The following DCDC2 variants were observed in gnomAD, a reference collection of about 807,000 sequenced individuals.
DCDC2 encodes doublecortin domain containing 2.
DCDC2 carries 40 observed loss-of-function variants against 50.2 expected under a neutral mutation model. The observed-to-expected ratio is 0.80, with a 90% CI of 0.62 to 1.04. The LOEUF (loss-of-function observed/expected upper bound fraction) is 1.04. Among genes scored for constraint, DCDC2 ranks in the 50% least tolerant of loss-of-function variants. The pLI is 0.00. For synonymous variants in DCDC2, 234 were observed against 210.6 expected (o/e 1.11, Z -0.96); for missense variants, 570 against 581.9 (o/e 0.98, Z 0.21).
the DCDC2 span, among the ~76,000 whole-genome samples, chr6:24,376,943 T>C: frequency 1.1e-4 from 17 of 152,080 alleles, no homozygotes; most frequent in Non-Finnish European, 2.2e-4. Flanking sequence ...TTCTGAGGGA[T>C]CTGAATAATG....
chr6:24,335,844 G>C (rs1436849899), intron 2 of DCDC2, among the ~76,000 whole-genome samples: 2 of 152,008 alleles, frequency 1.3e-5, no homozygotes, highest in Non-Finnish European at 2.9e-5. Context: ...CAGCATGGGG[G>C]AAACTGCCCC....
the DCDC2 span, among the ~76,000 whole-genome samples, chr6:24,366,644 G>A: frequency 2.0e-5 from 3 of 152,198 alleles, no homozygotes; most frequent in Admixed American, 6.5e-5. Flanking sequence ...CTTGAGGAGC[G>A]TTGAACAGCT....
intron 8 of DCDC2, among the ~76,000 whole-genome samples, chr6:24,201,653 C>G (rs1186847964): frequency 6.6e-6 from 1 of 151,910 alleles, no homozygotes; most frequent in African/African-American, 2.4e-5. Context: ...AACTAAGATC[C>G]AAGCAGAACT....
chr6:24,362,037 G>GT (rs1760673595), upstream of DCDC2, among the ~76,000 whole-genome samples: 1 of 152,162 alleles, frequency 6.6e-6, no homozygotes, highest in Non-Finnish European at 1.5e-5. Context: ...CTGAAGCCAT[G>GT]AAATGTGCAG....
At chr6:24,359,607 AAG>A (rs565885434), upstream of DCDC2, among the ~76,000 whole-genome samples, 5 of 132,464 alleles carry the variant, frequency 3.8e-5, no homozygotes, top group Admixed American at 8.7e-5. Context: ...CAGAGAGAGA[AAG>A]AGAGAATCCG....
At position 24,357,951 on chromosome 6, in the gene DCDC2, A is replaced by T. The variant is rs994194572; in HGVS notation, c.-201T>A. The stretch of plus-strand genomic sequence containing the variant: ...GACACTAGGAGCTTGCAGGACTCGG[A>T]GTAGACGCTCAAGTTTTTCACCGTG... On this transcript the variant is annotated 5_prime_UTR_variant, in exon 1 of 10. Coordinates refer to ENST00000378454, the MANE Select transcript of DCDC2 (RefSeq NM_016356.5). The T allele has an allele frequency of 6.7e-7, 1 of 1,500,234 alleles. No homozygotes were observed. The highest frequency in any genetic ancestry group is 8.9e-7 in the Non-Finnish European group (1 of 1,124,928). The allele number at this position is 1,500,234 out of a possible 1,614,324, so 92.9% of individuals were successfully genotyped here. A position where few individuals can be genotyped will look rare whatever the true frequency, so the allele number is the denominator to read the frequency against.
chr6:24,242,406 G>C (rs1157168773), intron 7 of DCDC2, among the ~76,000 whole-genome samples: 1 of 152,056 alleles, frequency 6.6e-6, no homozygotes, highest in Non-Finnish European at 1.5e-5. Flanking sequence ...CTAGGTGCAT[G>C]TAGGTTCCCT....
At chr6:24,291,765 A>G (rs62400414) in intron 4 of DCDC2, among the ~76,000 whole-genome samples, 26,399 of 151,712 alleles carry the variant, frequency 0.17, 2,257 homozygotes, top group African/African-American at 0.18. Flanking sequence ...GATTACAGGC[A>G]TGAGCCACCG....
At position 24,323,003 on chromosome 6, in the gene DCDC2, G is replaced by A. The variant is rs192110646; in HGVS notation, c.349-20959C>T. 3.9e-5 allele frequency among the ~76,000 whole-genome samples: 6 copies of A among 152,220 alleles called. No homozygotes were observed. The East Asian group carries it at 1.2e-3, about 29-fold the overall frequency. ...CTCCAAAAATGAATCATTTCAACCC[G>A]ATCACAAGAAAACACCAGATATGTC... is the stretch of plus-strand genomic sequence containing the variant. On this transcript the variant is annotated intron_variant, in intron 2 of 9. Transcript: ENST00000378454.
rs146133625 is a variant in DCDC2 at position 24,225,710 on chromosome 6, A to T, written c.923-20608T>A. On this transcript the variant is annotated intron_variant, in intron 7 of 9. Coordinates refer to ENST00000378454, the MANE Select transcript of DCDC2 (RefSeq NM_016356.5). ...CAACTCTTAGAAAGTTTTCACACAC[A>T]CACAGACACACACAAATATAATGTC... is the stretch of plus-strand genomic sequence containing the variant. Among the ~76,000 whole-genome samples, 382 of 152,306 alleles carry T rather than the reference A, an allele frequency of 2.5e-3. 1 individual carries two copies. The highest frequency in any genetic ancestry group is 8.8e-3 in the African/African-American group (367 of 41,558).
rs1045791299 is a variant in DCDC2 at position 24,357,944 on chromosome 6, G to A, written c.-194C>T. ...CAGAGGAGACACTAGGAGCTTGCAG[G>A]ACTCGGAGTAGACGCTCAAGTTTTT... is the stretch of plus-strand genomic sequence containing the variant. On this transcript the variant is annotated 5_prime_UTR_variant, in exon 1 of 10. Transcript: ENST00000378454. The A allele has an allele frequency of 6.6e-7, 1 of 1,507,192 alleles. No individual in the cohort carries two copies. 93.4% of individuals were successfully genotyped at this position (1,507,192 alleles called of 1,614,324 possible).
chr6:24,353,092 TA>T (rs1331225394), intron 2 of DCDC2: 2 of 299,484 alleles, frequency 6.7e-6, no homozygotes, highest in Non-Finnish European at 1.3e-5. Context: ...CGATAGAAGC[TA>T]AAACACAGGT....
chr6:24,201,667 GTAGA>G (rs780029107), intron 8 of DCDC2, among the ~76,000 whole-genome samples: 54 of 152,156 alleles, frequency 3.5e-4, no homozygotes, highest in Non-Finnish European at 6.0e-4. Context: ...CAGAACTGAA[GTAGA>G]TAGAGACACG....
At chr6:24,262,709 C>T (rs973163199) in intron 7 of DCDC2, among the ~76,000 whole-genome samples, 2 of 152,214 alleles carry the variant, frequency 1.3e-5, no homozygotes, top group African/African-American at 4.8e-5. Flanking sequence ...CCCTGATGCA[C>T]TCATCCAGGC....
At chr6:24,209,317 A>G (rs747160596) in intron 7 of DCDC2, among the ~76,000 whole-genome samples, 10 of 152,180 alleles carry the variant, frequency 6.6e-5, no homozygotes, top group Non-Finnish European at 1.3e-4. Context: ...TTGCACAGTA[A>G]ATTTGTGGAT....
At chr6:24,310,864 C>T (rs922952330) in intron 2 of DCDC2, among the ~76,000 whole-genome samples, 3 of 152,090 alleles carry the variant, frequency 2.0e-5, no homozygotes, top group Non-Finnish European at 2.9e-5. Context: ...CACATCGTTA[C>T]CACTGATGAA....
upstream of DCDC2, among the ~76,000 whole-genome samples, chr6:24,362,996 G>T (rs1308222825): frequency 1.3e-5 from 2 of 152,182 alleles, no homozygotes; most frequent in African/African-American, 4.8e-5. Context: ...GATAAACCCT[G>T]ATCACGAAGA....
At chr6:24,180,532 C>T (rs913509734) in intron 8 of DCDC2, among the ~76,000 whole-genome samples, 2 of 152,128 alleles carry the variant, frequency 1.3e-5, no homozygotes, top group African/African-American at 2.4e-5. Context: ...TTGTGATCCA[C>T]CTGCCTCAGC....
chr6:24,340,941 G>A (rs1425797045), intron 2 of DCDC2, among the ~76,000 whole-genome samples: 1 of 152,158 alleles, frequency 6.6e-6, no homozygotes, highest in Non-Finnish European at 1.5e-5. Flanking sequence ...GGCCAGGCTG[G>A]TCTCAAACTC....
Sources: gnomAD v4.1 joint callset for allele counts (sites outside exome capture counted in the v4.1 genomes callset) on GRCh38, gnomAD v4.1.1 for gene constraint, MANE v1.5 for transcripts, NCBI Gene and HGNC (gene_info 2026-07-23, HGNC 2026-07-21) for gene names.